LPAR1: variants seen among roughly 807,000 people sequenced by gnomAD.
LPAR1 encodes the protein lysophosphatidic acid receptor 1.
Under a neutral mutation model 23.8 loss-of-function variants are expected in LPAR1, and 5 were observed. The observed-to-expected ratio is 0.21, with a 90% CI of 0.11 to 0.44. The LOEUF (loss-of-function observed/expected upper bound fraction) is 0.44. LPAR1 is among the 20% of genes least tolerant of loss of function. LPAR1 has a pLI of 0.99. For synonymous variants in LPAR1, 160 were observed against 164.7 expected (o/e 0.97, Z 0.22); for missense variants, 311 against 482.8 (o/e 0.64, Z 3.33).
At chr9:110,897,790 T>C (rs985233634) in intron 5 of LPAR1, among the ~76,000 whole-genome samples, 4 of 147,972 alleles carry the variant, frequency 2.7e-5, no homozygotes. Context: ...TAACTAGATA[T>C]AGACTAAAAT....
chr9:110,883,360 G>A (rs1303485817), intron 5 of LPAR1, among the ~76,000 whole-genome samples: 3 of 151,988 alleles, frequency 2.0e-5, no homozygotes, highest in Non-Finnish European at 2.9e-5. Context: ...TTTAAAGTAC[G>A]TTTTTAAAAT....
chr9:110,881,208 C>T (rs1251262767), intron 5 of LPAR1, among the ~76,000 whole-genome samples: 1 of 152,164 alleles, frequency 6.6e-6, no homozygotes, highest in Non-Finnish European at 1.5e-5. Flanking sequence ...GTGTTCAACA[C>T]TGCCATTCCT....
chr9:111,014,980 ATTAGAGTGGGCCC>A (rs1307538234), intron 2 of LPAR1, among the ~76,000 whole-genome samples: 1 of 152,080 alleles, frequency 6.6e-6, no homozygotes, highest in Non-Finnish European at 1.5e-5. Flanking sequence ...GAATGAGGTC[ATTAGAGTGGGCCC>A]TAATCCAATA....
chr9:111,012,840 G>A (rs959700265), intron 2 of LPAR1, among the ~76,000 whole-genome samples: 3 of 152,082 alleles, frequency 2.0e-5, no homozygotes, highest in Non-Finnish European at 4.4e-5. Context: ...AGGAGAGGAA[G>A]AAGGAAGGAA....
chr9:110,970,716 T>G (rs1286797803), intron 4 of LPAR1, among the ~76,000 whole-genome samples: 1 of 152,096 alleles, frequency 6.6e-6, no homozygotes, highest in Non-Finnish European at 1.5e-5. Context: ...AAACCCCTAC[T>G]TAAAATACAT....
chr9:110,949,581 C>A (rs1426107630), intron 4 of LPAR1, among the ~76,000 whole-genome samples: 1 of 152,154 alleles, frequency 6.6e-6, no homozygotes, highest in Non-Finnish European at 1.5e-5. Context: ...TGTTCTGAAG[C>A]CTACCTAAAA....
At chr9:111,017,207 C>T (rs1015796770) in intron 2 of LPAR1, among the ~76,000 whole-genome samples, 4 of 152,254 alleles carry the variant, frequency 2.6e-5, no homozygotes, top group Non-Finnish European at 5.9e-5. Flanking sequence ...TGGTCTCGGT[C>T]TCTGCTTAAA....
At chr9:110,923,387 C>T (rs2093775757) in intron 5 of LPAR1, among the ~76,000 whole-genome samples, 1 of 152,032 alleles carries the variant, frequency 6.6e-6, no homozygotes, top group South Asian at 2.1e-4. Context: ...CTTTGGGTAC[C>T]CATACAACCA....
chr9:110,974,544 T>A (rs2096508436), intron 2 of LPAR1, among the ~76,000 whole-genome samples: 1 of 152,226 alleles, frequency 6.6e-6, no homozygotes, highest in African/African-American at 2.4e-5. Flanking sequence ...ATACTACAGT[T>A]TCAATCACTT....
At chr9:111,035,612 T>C (rs368019723) in intron 2 of LPAR1, among the ~76,000 whole-genome samples, 2 of 152,194 alleles carry the variant, frequency 1.3e-5, no homozygotes, top group African/African-American at 4.8e-5. Context: ...GAGAAGACTA[T>C]TGGACTTTAA....
intron 4 of LPAR1, among the ~76,000 whole-genome samples, chr9:110,944,783 AT>A (rs1240780498): frequency 1.3e-5 from 2 of 152,204 alleles, no homozygotes; most frequent in Admixed American, 1.3e-4. Context: ...TCTCTCAACA[AT>A]TGACTGTAAT....
chr9:110,984,929 A>C (rs1161283592), intron 2 of LPAR1, among the ~76,000 whole-genome samples: 1 of 152,096 alleles, frequency 6.6e-6, no homozygotes, highest in Non-Finnish European at 1.5e-5. Flanking sequence ...ATACTGTTTC[A>C]TTTCTAAAGT....
At chr9:111,020,967 A>G (rs1336897386) in intron 2 of LPAR1, among the ~76,000 whole-genome samples, 1 of 152,226 alleles carries the variant, frequency 6.6e-6, no homozygotes, top group Non-Finnish European at 1.5e-5. Flanking sequence ...AAAAGCATGC[A>G]TCTCATCTTT....
At chr9:110,877,421 G>C (rs979964791) in intron 5 of LPAR1, among the ~76,000 whole-genome samples, 4 of 152,118 alleles carry the variant, frequency 2.6e-5, no homozygotes, top group Non-Finnish European at 4.4e-5. Flanking sequence ...GGAGATAATA[G>C]CCAAGGAGCA....
At chr9:111,003,107 G>A (rs1032560288) in intron 2 of LPAR1, among the ~76,000 whole-genome samples, 9 of 152,172 alleles carry the variant, frequency 5.9e-5, no homozygotes, top group African/African-American at 2.2e-4. Context: ...TGATCCTGTG[G>A]AATCAACTGT....
intron 4 of LPAR1, among the ~76,000 whole-genome samples, chr9:110,963,180 A>T (rs924122885): frequency 1.3e-5 from 2 of 152,342 alleles, no homozygotes; most frequent in African/African-American, 4.8e-5. Flanking sequence ...AAGGTGTCTT[A>T]TGTGGTTTAC....
chr9:110,885,516 A>T (rs2082130976), intron 5 of LPAR1, among the ~76,000 whole-genome samples: 1 of 152,250 alleles, frequency 6.6e-6, no homozygotes, highest in African/African-American at 2.4e-5. Context: ...AAAATATGGA[A>T]GCAGCACAAC....
At chr9:111,000,473 C>T (rs1343026070) in intron 2 of LPAR1, among the ~76,000 whole-genome samples, 1 of 152,142 alleles carries the variant, frequency 6.6e-6, no homozygotes, top group Non-Finnish European at 1.5e-5. Flanking sequence ...AGGTAGTCAC[C>T]AGGATCACCC....
intron 2 of LPAR1, among the ~76,000 whole-genome samples, chr9:110,977,586 T>C (rs2096577997): frequency 6.6e-6 from 1 of 152,096 alleles, no homozygotes; most frequent in East Asian, 1.9e-4. Context: ...ACCTTTTTCC[T>C]TTGTCTGGAC....
Sources: allele counts gnomAD v4.1 joint callset (sites outside exome capture counted in the v4.1 genomes callset), GRCh38; gene constraint gnomAD v4.1.1; transcripts MANE v1.5; gene names NCBI Gene and HGNC (gene_info 2026-07-23, HGNC 2026-07-21).